APBA2: variants seen among roughly 807,000 people sequenced by gnomAD.
APBA2 encodes amyloid-beta A4 precursor protein-binding family A member 2.
In APBA2, 30 loss-of-function variants were observed where a neutral mutation model predicts 75.0. That is an observed-to-expected ratio of 0.40 (90% CI 0.30 to 0.54). The LOEUF (loss-of-function observed/expected upper bound fraction) is 0.54. Among genes scored for constraint, APBA2 ranks in the 20% least tolerant of loss-of-function variants. APBA2 has a pLI of 0.49. For synonymous variants in APBA2, 444 were observed against 409.6 expected (o/e 1.08, Z -1.01); for missense variants, 801 against 1,016.1 (o/e 0.79, Z 2.88).
intron 4 of APBA2, among the ~76,000 whole-genome samples, chr15:29,062,457 G>A (rs1236395901): frequency 6.6e-6 from 1 of 152,168 alleles, no homozygotes; most frequent in African/African-American, 2.4e-5. Flanking sequence ...CTCCGCATGA[G>A]CTTCTGAACT....
intron 3 of APBA2, among the ~76,000 whole-genome samples, chr15:29,047,072 G>T (rs561187361): frequency 1.9e-4 from 29 of 152,310 alleles, no homozygotes; most frequent in African/African-American, 6.5e-4. Flanking sequence ...CCTAAGGAGG[G>T]GAAGGCCATC....
intron 4 of APBA2, among the ~76,000 whole-genome samples, chr15:29,062,123 AG>A (rs1219514862): frequency 6.6e-6 from 1 of 152,020 alleles, no homozygotes; most frequent in Non-Finnish European, 1.5e-5. Context: ...CTGCCTGGGA[AG>A]GGGAAGGTCC....
In APBA2 at chr15:29,054,277, T is replaced by C. The variant is rs755831568; in HGVS notation, c.393T>C (p.Thr131=). ...CCCACAGTGCACACCCTGTGGACAC[T>C]GATGAGTGCCAGGAGGCGGTGGAGG... ...YLAHSAHPVD[T]DECQEAVEEW... Residue 131 remains threonine (T), a synonymous_variant, in exon 4 of 15, where the codon ACT becomes ACC. Coordinates refer to ENST00000683413, the MANE Select transcript of APBA2 (RefSeq NM_001353788.2). The surrounding 1 kb of genome is among the most constrained non-coding windows in gnomAD (Gnocchi z 6.1). 82 of 1,613,926 alleles carry C rather than the reference T, an allele frequency of 5.1e-5. 2 individuals carry two copies. In the Admixed American group the frequency reaches 1.3e-3, roughly 27 times the overall value.
chr15:29,050,110 G>A (rs749393106), intron 3 of APBA2, among the ~76,000 whole-genome samples: 8 of 152,196 alleles, frequency 5.3e-5, no homozygotes, highest in Non-Finnish European at 8.8e-5. Context: ...TAAGAGTGGA[G>A]AGGAAATTGT....
intron 1 of APBA2, among the ~76,000 whole-genome samples, chr15:28,899,131 C>T (rs999963188): frequency 1.3e-5 from 2 of 152,248 alleles, no homozygotes; most frequent in Non-Finnish European, 2.9e-5. Context: ...ATGGAGAACT[C>T]ATCGGGGGCA....
chr15:28,900,362 G>A (rs1045096464), intron 1 of APBA2, among the ~76,000 whole-genome samples: 19 of 152,178 alleles, frequency 1.2e-4, no homozygotes, highest in African/African-American at 4.6e-4. Flanking sequence ...AGGGAATGTC[G>A]CTTGTGCCCT....
intron 3 of APBA2, among the ~76,000 whole-genome samples, chr15:29,012,304 A>G (rs1043601724): frequency 1.3e-5 from 2 of 152,126 alleles, no homozygotes; most frequent in African/African-American, 4.8e-5. Flanking sequence ...GACCTTGACA[A>G]TTTTGAAGAG....
intron 2 of APBA2, among the ~76,000 whole-genome samples, chr15:28,969,983 C>T (rs910696387): frequency 6.6e-5 from 10 of 152,216 alleles, no homozygotes; most frequent in African/African-American, 2.4e-4. Context: ...ACACACATTC[C>T]AGCCTTCACT....
intron 3 of APBA2, among the ~76,000 whole-genome samples, chr15:29,045,093 C>CTT (rs2041248745): frequency 4.8e-5 from 6 of 125,862 alleles, no homozygotes; most frequent in African/African-American, 3.3e-4. Flanking sequence ...CTCTCTCTCT[C>CTT]TCTCTCTCTC....
At position 29,054,854 on chromosome 15, in the gene APBA2, T is replaced by C; in HGVS notation, c.951+19T>C. 6.3e-7 allele frequency: 1 copy of C among 1,591,140 alleles called. No individual in the cohort carries two copies. Among genetic ancestry groups the C allele is most frequent in the Non-Finnish European group, 8.5e-7 (1 of 1,175,768 alleles). ...CGAGCAGGTAGGACCCTGGCTGTCC[T>C]GGGGAAGGGAGCAGAGGGGCCCGAG... On this transcript the variant is annotated intron_variant, in intron 4 of 14. Transcript: ENST00000683413. The surrounding 1 kb of genome is among the most constrained non-coding windows in gnomAD (Gnocchi z 6.1).
At chr15:29,095,906 C>T (rs1043208753) in intron 8 of APBA2, among the ~76,000 whole-genome samples, 1 of 152,224 alleles carries the variant, frequency 6.6e-6, no homozygotes, top group Non-Finnish European at 1.5e-5. Flanking sequence ...CCCTCGCTTG[C>T]AGCCTCCTAG....
chr15:28,976,888 G>A (rs191335139), intron 2 of APBA2: 32 of 152,224 alleles, frequency 2.1e-4, no homozygotes, highest in Admixed American at 2.0e-3. Flanking sequence ...ATAAGACTGA[G>A]GTGATATGTT....
chr15:28,906,658 T>G (rs2033149205), intron 1 of APBA2, among the ~76,000 whole-genome samples: 1 of 152,212 alleles, frequency 6.6e-6, no homozygotes, highest in African/African-American at 2.4e-5. Flanking sequence ...ATCGACACTC[T>G]CTGGACATGA....
At chr15:29,053,375 A>T (rs1425983079) in intron 3 of APBA2, among the ~76,000 whole-genome samples, 1 of 152,124 alleles carries the variant, frequency 6.6e-6, no homozygotes, top group Non-Finnish European at 1.5e-5. Flanking sequence ...CCTGAAGGGG[A>T]AGGTACCCAA....
At chr15:28,887,211 A>T (rs1426062060) in intron 1 of APBA2, among the ~76,000 whole-genome samples, 5 of 152,224 alleles carry the variant, frequency 3.3e-5, no homozygotes, top group Non-Finnish European at 5.9e-5. Context: ...CTAAATGGGC[A>T]TGTGGAGGGT....
intron 6 of APBA2, among the ~76,000 whole-genome samples, chr15:29,091,739 G>T (rs2152949953): frequency 6.6e-6 from 1 of 152,302 alleles, no homozygotes; most frequent in East Asian, 1.9e-4. Context: ...CAGCGCCCAA[G>T]CTGGGCCAGT....
chr15:29,038,437 C>T (rs369301140), intron 3 of APBA2, among the ~76,000 whole-genome samples: 320 of 152,206 alleles, frequency 2.1e-3, no homozygotes, highest in African/African-American at 7.3e-3. Context: ...TGCATTTTTC[C>T]GTGGTATGGG....
Position 29,106,594 on chromosome 15 carries a change from G to A in APBA2, c.1705-13G>A, listed in dbSNP as rs2044419479. On this transcript the variant is annotated splice_polypyrimidine_tract_variant and intron_variant, in intron 11 of 14. Coordinates refer to ENST00000683413, the MANE Select transcript of APBA2 (RefSeq NM_001353788.2). Reference sequence around the variant, plus strand: ...TGCCGCCAGCCCCTCTCACACTGCTGATCCCTTTGCAGCTGCAGCTGGAGA... The same window carrying A: ...TGCCGCCAGCCCCTCTCACACTGCTAATCCCTTTGCAGCTGCAGCTGGAGA... The A allele has an allele frequency of 1.2e-6, 2 of 1,612,978 alleles. No individual in the cohort carries two copies. Among genetic ancestry groups the A allele is most frequent in the Non-Finnish European group, 8.5e-7 (1 of 1,180,002 alleles).
At chr15:28,904,602 C>T (rs961398366) in intron 1 of APBA2, among the ~76,000 whole-genome samples, 43 of 152,306 alleles carry the variant, frequency 2.8e-4, no homozygotes, top group African/African-American at 8.7e-4. Flanking sequence ...CTTCCTTTTC[C>T]CTCTTCCCTT....
Sources: gnomAD v4.1 joint callset for allele counts (sites outside exome capture counted in the v4.1 genomes callset) on GRCh38, gnomAD v4.1.1 for gene constraint, Gnocchi (gnomAD v3.1) non-coding constraint, MANE v1.5 for transcripts, NCBI Gene and HGNC (gene_info 2026-07-23, HGNC 2026-07-21) for gene names.